BFSP2: variants seen among roughly 807,000 people sequenced by gnomAD.
BFSP2 encodes the protein phakinin.
Under a neutral mutation model 44.9 loss-of-function variants are expected in BFSP2, and 38 were observed. That is an observed-to-expected ratio of 0.85 (90% CI 0.65 to 1.11). The LOEUF is 1.11. Ranked by LOEUF, BFSP2 falls within the 50% of genes least tolerant of loss-of-function variation. The pLI is 0.00. For synonymous variants in BFSP2, 197 were observed against 209.9 expected (o/e 0.94, Z 0.53); for missense variants, 525 against 533.0 (o/e 0.99, Z 0.15).
chr3:133,415,016 ACCC>A (rs1161543786), intron 1 of BFSP2, among the ~76,000 whole-genome samples: 1 of 62,928 alleles, frequency 1.6e-5, no homozygotes, highest in African/African-American at 6.8e-5. Context: ...TCCTCTACTC[ACCC>A]CCCTACTCAT....
intron 4 of BFSP2, among the ~76,000 whole-genome samples, chr3:133,460,329 G>A (rs1241472301): frequency 6.6e-6 from 1 of 152,216 alleles, no homozygotes; most frequent in Admixed American, 6.5e-5. Context: ...GCAACACTAG[G>A]ATTCAAATTA....
chr3:133,443,651 T>G (rs1466538176), intron 1 of BFSP2, among the ~76,000 whole-genome samples: 2 of 152,212 alleles, frequency 1.3e-5, no homozygotes, highest in Admixed American at 1.3e-4. Context: ...TATTTCTCAT[T>G]CCTTTATTGC....
intron 1 of BFSP2, among the ~76,000 whole-genome samples, chr3:133,431,104 G>A (rs151312846): frequency 0.064 from 9,638 of 151,762 alleles, 821 homozygotes; most frequent in African/African-American, 0.2. Context: ...ACCCTGAGAC[G>A]CTTTACAGCC....
chr3:133,433,095 T>G (rs2073743867), intron 1 of BFSP2, among the ~76,000 whole-genome samples: 1 of 152,206 alleles, frequency 6.6e-6, no homozygotes, highest in African/African-American at 2.4e-5. Flanking sequence ...CACTCTTTGT[T>G]AAGTCCCACA....
chr3:133,430,543 T>G (rs886123195), intron 1 of BFSP2, among the ~76,000 whole-genome samples: 2 of 152,188 alleles, frequency 1.3e-5, no homozygotes, highest in Non-Finnish European at 2.9e-5. Context: ...TACTCGACAG[T>G]AGTTCCAAAT....
intron 4 of BFSP2, among the ~76,000 whole-genome samples, chr3:133,459,962 A>G (rs1488694710): frequency 6.6e-6 from 1 of 152,174 alleles, no homozygotes; most frequent in African/African-American, 2.4e-5. Context: ...TGTTGAGCAC[A>G]TTCTAGGTGT....
At chr3:133,456,583 C>G (rs1442518983) in intron 4 of BFSP2, among the ~76,000 whole-genome samples, 18 of 151,938 alleles carry the variant, frequency 1.2e-4, no homozygotes, top group Admixed American at 1.2e-3. Flanking sequence ...CCTGTCTCCA[C>G]AAAAATACAA....
At chr3:133,421,900 A>T (rs1305700943) in intron 1 of BFSP2, among the ~76,000 whole-genome samples, 1 of 152,126 alleles carries the variant, frequency 6.6e-6, no homozygotes, top group Admixed American at 6.6e-5. Flanking sequence ...CAAGGTCAAG[A>T]GATCAAGACC....
intron 4 of BFSP2, among the ~76,000 whole-genome samples, chr3:133,452,431 C>T (rs1300669005): frequency 2.6e-5 from 4 of 152,264 alleles, no homozygotes; most frequent in African/African-American, 9.6e-5. Flanking sequence ...CAAATAGAGC[C>T]TAGTTATTCA....
intron 4 of BFSP2, among the ~76,000 whole-genome samples, chr3:133,465,075 G>T (rs1449600040): frequency 3.4e-5 from 5 of 148,872 alleles, no homozygotes; most frequent in African/African-American, 9.9e-5. Flanking sequence ...GTGCCATCTC[G>T]GCTCACTGCA....
chr3:133,415,359 CCCCTCTACTCAA>C (rs1220963591), intron 1 of BFSP2, among the ~76,000 whole-genome samples: 178 of 108,478 alleles, frequency 1.6e-3, no homozygotes, highest in Non-Finnish European at 2.3e-3. Flanking sequence ...CCTCTACTCA[CCCCTCTACTCAA>C]CCCTGCCCTC....
intron 5 of BFSP2, among the ~76,000 whole-genome samples, chr3:133,469,229 C>T (rs1033109560): frequency 6.6e-6 from 1 of 152,206 alleles, no homozygotes; most frequent in Admixed American, 6.5e-5. Flanking sequence ...CGGGGCCTTG[C>T]AGCCAAGGTG....
intron 4 of BFSP2, among the ~76,000 whole-genome samples, chr3:133,452,818 C>T (rs548373999): frequency 5.9e-5 from 9 of 152,210 alleles, no homozygotes; most frequent in South Asian, 2.1e-4. Flanking sequence ...AGCCCTCCTG[C>T]GGTGTGCACC....
chr3:133,459,184 A>AT (rs1342780427), intron 4 of BFSP2, among the ~76,000 whole-genome samples: 1 of 152,020 alleles, frequency 6.6e-6, no homozygotes, highest in African/African-American at 2.4e-5. Context: ...TACAAAAAAA[A>AT]ATGTTTTTAA....
At chr3:133,464,184 C>T (rs1433607532) in intron 4 of BFSP2, among the ~76,000 whole-genome samples, 1 of 152,126 alleles carries the variant, frequency 6.6e-6, no homozygotes, top group Non-Finnish European at 1.5e-5. Flanking sequence ...ACTTGGAAGA[C>T]AAGGAGTATA....
In BFSP2 at chr3:133,450,435, G is replaced by A. The variant is rs768718908; in HGVS notation, c.862G>A (p.Val288Met). 1.2e-6 allele frequency: 2 copies of A among 1,614,024 alleles called. No homozygotes were observed. The highest frequency in any genetic ancestry group is 1.3e-5 in the African/African-American group (1 of 74,934). Residue 288 changes from valine to methionine, a missense_variant, in exon 4 of 7, where the codon GTG (valine) becomes ATG (methionine). Coordinates refer to ENST00000302334, the MANE Select transcript of BFSP2 (RefSeq NM_003571.4). ...QWERDVEKNR[V>M]EAGALLQAKQ... ...GGAGAGAGATGTTGAAAAGAACCGG[G>A]TGGAGGCAGGAGCCCTGCTCCAAGC...
chr3:133,442,385 G>C (rs573646964), intron 1 of BFSP2, among the ~76,000 whole-genome samples: 3 of 151,780 alleles, frequency 2.0e-5, no homozygotes, highest in Non-Finnish European at 4.4e-5. Flanking sequence ...AAACTTCTAG[G>C]CTCAAGCAAT....
At chr3:133,472,711 T>C in intron 6 of BFSP2, 146 bp downstream of exon 6, 1 of 887,104 alleles carries the variant, frequency 1.1e-6, no homozygotes, top group Non-Finnish European at 1.8e-6. Flanking sequence ...AGCCTAGCTG[T>C]GTCCTTCCTT....
chr3:133,436,610 T>C (rs565232866), intron 1 of BFSP2, among the ~76,000 whole-genome samples: 5 of 152,348 alleles, frequency 3.3e-5, no homozygotes, highest in African/African-American at 1.2e-4. Context: ...CTCAATTTTA[T>C]TTTTTATTAT....
Sources: allele counts gnomAD v4.1 joint callset (sites outside exome capture counted in the v4.1 genomes callset), GRCh38; gene constraint gnomAD v4.1.1; transcripts MANE v1.5; gene names NCBI Gene and HGNC (gene_info 2026-07-23, HGNC 2026-07-21).